FARP1: variants seen among roughly 807,000 people sequenced by gnomAD.
FARP1 encodes the protein FERM, ARHGEF and pleckstrin domain-containing protein 1.
In FARP1, 52 loss-of-function variants were observed where a neutral mutation model predicts 128.8. That is an observed-to-expected ratio of 0.40 (90% confidence interval 0.32 to 0.51). The LOEUF (loss-of-function observed/expected upper bound fraction) is 0.51, where lower values mean the gene tolerates loss of function less well. Among genes scored for constraint, FARP1 ranks in the 20% least tolerant of loss-of-function variants. The pLI, the probability that FARP1 is intolerant of heterozygous loss-of-function variation, is 0.45. For missense variants in FARP1, 1,333 were observed against 1,367.9 expected, an observed-to-expected ratio of 0.97 and a Z score of 0.40; for synonymous variants, 580 against 551.8, an observed-to-expected ratio of 1.05 and a Z score of -0.72.
intron 16 of FARP1, among the ~76,000 whole-genome samples, chr13:98,414,953 T>C (rs1391771485): frequency 6.6e-6 from 1 of 152,174 alleles, no homozygotes; most frequent in East Asian, 1.9e-4. Flanking sequence ...GAGGACAAAA[T>C]TGAAACAATG....
Position 98,143,249 on chromosome 13 carries a change from T to C in FARP1, c.-267T>C, listed in dbSNP as rs1875191788. Reference sequence around the variant, plus strand: ...GCTGGCCCCGGCGTCGAGGCGGCCATGGCGACCCGGAGCCCGCTCCCCACC... The same window carrying C: ...GCTGGCCCCGGCGTCGAGGCGGCCACGGCGACCCGGAGCCCGCTCCCCACC... On this transcript the variant is annotated 5_prime_UTR_variant, in exon 1 of 27. An upstream start codon of the reference 5' UTR is lost. Coordinates refer to ENST00000319562, the MANE Select transcript of FARP1 (RefSeq NM_005766.4). 1 of 148,582 alleles carries C rather than the reference T, an allele frequency of 6.7e-6. No homozygotes were observed. Among genetic ancestry groups the C allele is most frequent in the Non-Finnish European group, 1.5e-5 (1 of 66,712 alleles). The allele number at this position is 148,582 out of a possible 1,614,324, so 9.2% of individuals were successfully genotyped here.
chr13:98,448,433 C>CCAGCAGCTCTCCTGTCTCCA lies in FARP1; in HGVS notation c.*121_*140dup. The CCAGCAGCTCTCCTGTCTCCA allele has an allele frequency of 1.2e-6, 1 of 851,654 alleles. No individual in the cohort carries two copies. Among genetic ancestry groups the CCAGCAGCTCTCCTGTCTCCA allele is most frequent in the Admixed American group, 2.0e-5 (1 of 50,510 alleles). The allele number at this position is 851,654 out of a possible 1,614,324, so 52.8% of individuals were successfully genotyped here. ...GTCTGAAAATCAAAAACATGGCTTC[C>CCAGCAGCTCTCCTGTCTCCA]CAGCAGCTCTCCTGTCTCCACAGCC... On this transcript the variant is annotated 3_prime_UTR_variant, in exon 27 of 27. Transcript: ENST00000319562.
At chr13:98,341,717 G>T (rs1478679526) in intron 2 of FARP1, among the ~76,000 whole-genome samples, 1 of 152,208 alleles carries the variant, frequency 6.6e-6, no homozygotes, top group African/African-American at 2.4e-5. Flanking sequence ...CCCAAGATTT[G>T]ATCTATATGG....
intron 12 of FARP1, 125 bp from the exon 13 acceptor site, chr13:98,395,102 G>C: frequency 8.8e-7 from 1 of 1,140,896 alleles, no homozygotes; most frequent in Admixed American, 2.6e-5. Context: ...AGAGAGCTCC[G>C]GGGCAGTTCT....
At chr13:98,154,062 C>T (rs1442836558) in intron 1 of FARP1, among the ~76,000 whole-genome samples, 1 of 152,160 alleles carries the variant, frequency 6.6e-6, no homozygotes, top group Non-Finnish European at 1.5e-5. Context: ...CCTTTTGAGA[C>T]TGGCCTCTTT....
rs978779776 is a variant in FARP1, at chr13:98,452,938, A to G, written c.*4621A>G. On this transcript the variant is annotated 3_prime_UTR_variant, in exon 27 of 27. Coordinates refer to ENST00000319562, the MANE Select transcript of FARP1 (RefSeq NM_005766.4). ...TTAAAATTAAAAACAAAAGTAATAA[A>G]ATAAAATAAAATGATCGCTGGAAGG... 42 of 438,116 alleles carry G rather than the reference A, an allele frequency of 9.6e-5. 1 individual carries two copies. Among genetic ancestry groups the G allele is most frequent in the African/African-American group, 8.3e-4 (41 of 49,154 alleles). 27.1% of individuals were successfully genotyped at this position (438,116 alleles called of 1,614,324 possible).
chr13:98,299,003 A>C (rs1566848291), intron 2 of FARP1, among the ~76,000 whole-genome samples: 1 of 152,224 alleles, frequency 6.6e-6, no homozygotes, highest in African/African-American at 2.4e-5. Context: ...CTAAGATGCT[A>C]TCTGGCGGGA....
chr13:98,418,521 C>T (rs1485784696), intron 16 of FARP1, among the ~76,000 whole-genome samples: 2 of 152,300 alleles, frequency 1.3e-5, no homozygotes, highest in African/African-American at 4.8e-5. Context: ...GTGATCCACC[C>T]GCCTTGGCCT....
chr13:98,265,311 A>ATTTTTTTTTTTTTTT (rs60809416), intron 2 of FARP1, among the ~76,000 whole-genome samples: 1 of 60,252 alleles, frequency 1.7e-5, no homozygotes, highest in African/African-American at 7.8e-5. Flanking sequence ...TCCTTCCTGA[A>ATTTTTTTTTTTTTTT]TTTTTTTTTT....
At chr13:98,229,164 G>A (rs778562942) in intron 2 of FARP1, among the ~76,000 whole-genome samples, 2 of 152,106 alleles carry the variant, frequency 1.3e-5, no homozygotes, top group African/African-American at 2.4e-5. Flanking sequence ...TTAATTCCTC[G>A]CTAGTGACAC....
rs140016654 is a variant in FARP1 at position 98,316,355 on chromosome 13, T to C, written c.172-27407T>C. Among the ~76,000 whole-genome samples the C allele has an allele frequency of 6.5e-3, 987 of 152,258 alleles. 7 individuals carry two copies. Among genetic ancestry groups the C allele is most frequent in the South Asian group, 0.011 (53 of 4,818 alleles). Reference sequence around the variant, plus strand: ...TGTTTCCTTGTGAAAAACTATTTAATCTCCATGAGAATCCTGCTAGGTAGT... The same window carrying C: ...TGTTTCCTTGTGAAAAACTATTTAACCTCCATGAGAATCCTGCTAGGTAGT... On this transcript the variant is annotated intron_variant, in intron 2 of 26. Coordinates refer to ENST00000319562, the MANE Select transcript of FARP1 (RefSeq NM_005766.4).
At position 98,390,869 on chromosome 13, in the gene FARP1, G is replaced by A; in HGVS notation, c.1077G>A (p.Val359=). The A allele has an allele frequency of 6.2e-7, 1 of 1,612,650 alleles. No homozygotes were observed. The highest frequency in any genetic ancestry group is 8.5e-7 in the Non-Finnish European group (1 of 1,178,738). ...TTAAAGAAGGAGGACATAAGAAGGT[G>A]CAGTTTGAAAGGTAAGAGAAGCTTC... ...DYVKEGGHKK[V]QFERKHSKIH... Residue 359 remains valine (V), a synonymous_variant, in exon 11 of 27, where the codon GTG becomes GTA. Coordinates refer to ENST00000319562, the MANE Select transcript of FARP1 (RefSeq NM_005766.4).
intron 2 of FARP1, among the ~76,000 whole-genome samples, chr13:98,257,084 A>C (rs1883654463): frequency 6.7e-6 from 1 of 150,260 alleles, no homozygotes; most frequent in Non-Finnish European, 1.5e-5. Context: ...CAACATAATC[A>C]CTATTCCCTC....
At chr13:98,193,742 C>T (rs1879391430) in intron 1 of FARP1, among the ~76,000 whole-genome samples, 1 of 152,190 alleles carries the variant, frequency 6.6e-6, no homozygotes, top group Admixed American at 6.5e-5. Flanking sequence ...TGTGGAAATC[C>T]AGCTATGATA....
intron 2 of FARP1, among the ~76,000 whole-genome samples, chr13:98,286,804 G>T (rs547386456): frequency 3.9e-5 from 6 of 152,112 alleles, no homozygotes; most frequent in Non-Finnish European, 7.4e-5. Flanking sequence ...GTTGTTTAAA[G>T]AAATTAGCTT....
intron 5 of FARP1, among the ~76,000 whole-genome samples, chr13:98,374,618 C>T (rs1040597334): frequency 3.9e-5 from 6 of 152,178 alleles, no homozygotes; most frequent in Admixed American, 3.9e-4. Flanking sequence ...TGCTAGCTTT[C>T]TTGTGGTGCT....
chr13:98,395,419 G>A lies in FARP1; in HGVS notation c.1357G>A (p.Glu453Lys), dbSNP rs1382795559. The A allele has an allele frequency of 6.2e-7, 1 of 1,611,280 alleles. No individual in the cohort carries two copies. Among genetic ancestry groups the A allele is most frequent in the Non-Finnish European group, 8.5e-7 (1 of 1,178,724 alleles). ...CTCGGCGCCCACGGAGGAAGAGGAG[G>A]AGGTCGTTAAGGATAGGACCCAGCA... is the stretch of plus-strand genomic sequence containing the variant. ...AASAPTEEEEEVVKDRTQQSK... is the reference protein window; with the variant it reads ...AASAPTEEEEKVVKDRTQQSK... Residue 453 changes from glutamate to lysine, a missense_variant, in exon 13 of 27, where the codon GAG becomes AAG. By Grantham distance (56) the Glu-to-Lys change is moderately conservative (BLOSUM62 1). Around this residue, in one of 2 missense-constraint regions of FARP1, gnomAD observed 1,009 missense variants for 969.8 expected, o/e 1.04. Transcript: ENST00000319562.
chr13:98,284,674 C>T (rs1242594997), intron 2 of FARP1, among the ~76,000 whole-genome samples: 2 of 151,986 alleles, frequency 1.3e-5, no homozygotes, highest in African/African-American at 4.8e-5. Context: ...CTCCCTTTGT[C>T]CCTCAATGTT....
Position 98,244,211 on chromosome 13 carries a change from T to G in FARP1, c.171+30798T>G, listed in dbSNP as rs1391926611. On this transcript the variant is annotated intron_variant, in intron 2 of 26. Transcript: ENST00000319562. Reference sequence around the variant, plus strand: ...ATACAGTCCATCCCAGATTCCTAGCTGATTGCCATTTTGGTTTTCCCAGCA... The same window carrying G: ...ATACAGTCCATCCCAGATTCCTAGCGGATTGCCATTTTGGTTTTCCCAGCA... 3.3e-5 allele frequency among the ~76,000 whole-genome samples: 5 copies of G among 152,226 alleles called. No individual in the cohort carries two copies. The East Asian group carries it at 9.6e-4, about 29-fold the overall frequency.
Sources: allele counts gnomAD v4.1 joint callset (sites outside exome capture counted in the v4.1 genomes callset), GRCh38; gene constraint gnomAD v4.1.1; regional missense constraint gnomAD v4.1.1; transcripts MANE v1.5; gene names NCBI Gene and HGNC (gene_info 2026-07-23, HGNC 2026-07-21).